Variants in SLC8A1 observed in about 807,000 individuals in gnomAD.
SLC8A1 encodes sodium/calcium exchanger 1.
Under a neutral mutation model 68.3 loss-of-function variants are expected in SLC8A1, and 18 were observed. That is an observed-to-expected ratio of 0.26 (90% CI 0.18 to 0.39). The LOEUF is 0.39. SLC8A1 is among the 10% of genes least tolerant of loss of function. The pLI is 1.00. For missense variants in SLC8A1, 985 were observed against 1,156.7 expected (o/e 0.85, Z 2.15); for synonymous variants, 475 against 415.5 (o/e 1.14, Z -1.74).
At chr2:40,389,228 AG>A (rs1214918742) in intron 2 of SLC8A1, among the ~76,000 whole-genome samples, 1 of 152,122 alleles carries the variant, frequency 6.6e-6, no homozygotes, top group Non-Finnish European at 1.5e-5. Flanking sequence ...AGAGATCAAT[AG>A]TTGGCTGTAT....
intron 2 of SLC8A1, among the ~76,000 whole-genome samples, chr2:40,338,472 T>C (rs954771980): frequency 1.1e-4 from 16 of 152,186 alleles, no homozygotes; most frequent in African/African-American, 3.6e-4. Flanking sequence ...GATTGAAGAT[T>C]ACTCTGAGAT....
intron 2 of SLC8A1, among the ~76,000 whole-genome samples, chr2:40,307,753 C>T (rs2072933109): frequency 6.6e-6 from 1 of 152,060 alleles, no homozygotes; most frequent in Non-Finnish European, 1.5e-5. Flanking sequence ...GTGCAAGTGT[C>T]CCCCATTCTA....
intron 2 of SLC8A1, among the ~76,000 whole-genome samples, chr2:40,335,037 C>T (rs2149387584): frequency 6.6e-6 from 1 of 152,158 alleles, no homozygotes; most frequent in East Asian, 1.9e-4. Context: ...GGATCTCATT[C>T]TCCAAAGAGG....
chr2:40,177,824 C>G (rs2148560347), exon 3 of SLC8A1: 1 of 1,551,198 alleles, frequency 6.4e-7, no homozygotes, highest in East Asian at 2.4e-5. Context: ...TCATATTCCT[C>G]ACGGTCAAAT....
At chr2:40,512,432 A>G (rs1463158505) in exon 1 of SLC8A1, 2 of 152,212 alleles carry the variant, frequency 1.3e-5, no homozygotes, top group African/African-American at 2.4e-5. Context: ...AATTTACCAG[A>G]AAGAAAGGAC....
chr2:40,361,234 TAGG>T (rs1472971966), intron 2 of SLC8A1, among the ~76,000 whole-genome samples: 1 of 152,152 alleles, frequency 6.6e-6, no homozygotes, highest in East Asian at 1.9e-4. Flanking sequence ...CAGTGCTTGC[TAGG>T]AGTTCACATA....
intron 2 of SLC8A1, among the ~76,000 whole-genome samples, chr2:40,304,579 G>A (rs149624010): frequency 3.0e-4 from 46 of 152,222 alleles, no homozygotes; most frequent in African/African-American, 8.9e-4. Flanking sequence ...CACATGGCCT[G>A]TCCTTTCCCA....
intron 1 of SLC8A1, among the ~76,000 whole-genome samples, chr2:40,479,051 C>T (rs1342906868): frequency 1.3e-5 from 2 of 152,156 alleles, no homozygotes; most frequent in African/African-American, 2.4e-5. Flanking sequence ...GGATTACAGG[C>T]GTGAGCCACC....
intron 2 of SLC8A1, chr2:40,195,930 G>A (rs1016588434): frequency 1.3e-5 from 2 of 151,946 alleles, no homozygotes; most frequent in Non-Finnish European, 2.9e-5. Context: ...TAATATCACT[G>A]GTAAGAGTGT....
rs185101090 is a variant in SLC8A1, at chr2:40,359,129, C to T, written c.1808+69344G>A. On this transcript the variant is annotated intron_variant, in intron 2 of 7. Transcript: ENST00000406785. ...GTGGGGAAGGGGTATCTAGCACGTA[C>T]GCAGCTATTGAGCACTTGAAATGGG... Among the ~76,000 whole-genome samples, 224 of 152,106 alleles carry T rather than the reference C, an allele frequency of 1.5e-3. 1 individual carries two copies. Among genetic ancestry groups the T allele is most frequent in the African/African-American group, 5.0e-3 (208 of 41,490 alleles).
intron 1 of SLC8A1, among the ~76,000 whole-genome samples, chr2:40,432,117 A>C (rs973747300): frequency 6.6e-6 from 1 of 152,028 alleles, no homozygotes; most frequent in Non-Finnish European, 1.5e-5. Flanking sequence ...AAACAAGGTG[A>C]AATTTAACCA....
At chr2:40,456,365 A>G (rs1703025653), upstream of SLC8A1, among the ~76,000 whole-genome samples, 1 of 146,962 alleles carries the variant, frequency 6.8e-6, no homozygotes, top group South Asian at 2.2e-4. Flanking sequence ...CAAAATTCTG[A>G]GACTTCTGTT....
intron 2 of SLC8A1, among the ~76,000 whole-genome samples, chr2:40,399,330 T>C (rs1048265699): frequency 6.6e-6 from 1 of 151,798 alleles, no homozygotes; most frequent in African/African-American, 2.4e-5. Flanking sequence ...CTACCCCTCG[T>C]CTCCCCTTTT....
chr2:40,485,319 C>T (rs1704892077), intron 1 of SLC8A1, among the ~76,000 whole-genome samples: 1 of 152,166 alleles, frequency 6.6e-6, no homozygotes. Context: ...CTTCTCCTAA[C>T]AACAACATTT....
At chr2:40,277,563 A>G (rs1480901965) in intron 2 of SLC8A1, among the ~76,000 whole-genome samples, 2 of 151,868 alleles carry the variant, frequency 1.3e-5, no homozygotes, top group Non-Finnish European at 2.9e-5. Flanking sequence ...AAAACAGATA[A>G]TAATAAAATA....
chr2:40,139,375 G>A (rs747550024), intron 7 of SLC8A1, 26 bp downstream of exon 10: 24 of 1,610,544 alleles, frequency 1.5e-5, no homozygotes, highest in Non-Finnish European at 2.0e-5. Context: ...GCTACTGGGG[G>A]AATTATACAT....
chr2:40,247,837 T>TA (rs1299300030), intron 2 of SLC8A1, among the ~76,000 whole-genome samples: 1 of 152,198 alleles, frequency 6.6e-6, no homozygotes, highest in Non-Finnish European at 1.5e-5. Context: ...CTGAAAGGTC[T>TA]TGCAGGTAAT....
chr2:40,399,704 G>C (rs948677176), intron 2 of SLC8A1, among the ~76,000 whole-genome samples: 1 of 151,898 alleles, frequency 6.6e-6, no homozygotes, highest in Non-Finnish European at 1.5e-5. Context: ...AGGACATTTG[G>C]GGGAAAAAAA....
At chr2:40,432,401 T>TTGTGTGTGTGTGTGTG (rs112824729) in intron 1 of SLC8A1, among the ~76,000 whole-genome samples, 6,862 of 128,678 alleles carry the variant, frequency 0.053, 305 homozygotes, top group Middle Eastern at 0.11. Context: ...GAGTGTGAGA[T>TTGTGTGTGTGTGTGTG]TGTGTGTGTG....
Sources: gnomAD v4.1 joint callset for allele counts (sites outside exome capture counted in the v4.1 genomes callset) on GRCh38, gnomAD v4.1.1 for gene constraint, MANE v1.5 for transcripts, NCBI Gene and HGNC (gene_info 2026-07-23, HGNC 2026-07-21) for gene names.